NID1: variants seen among roughly 807,000 people sequenced by gnomAD.
The protein encoded by NID1 is nidogen 1.
A neutral mutation model predicts 130.6 loss-of-function variants in NID1; 76 were observed. The ratio of observed to expected loss-of-function variants is 0.58; its 90% CI spans 0.48 to 0.70. The LOEUF (loss-of-function observed/expected upper bound fraction) is 0.70. Ranked by LOEUF, NID1 falls within the 30% of genes least tolerant of loss-of-function variation. The pLI is 0.00. For synonymous variants in NID1, 665 were observed against 675.1 expected (o/e 0.98, Z 0.23); for missense variants, 1,517 against 1,664.8 (o/e 0.91, Z 1.54).
intron 8 of NID1, 112 bp from the exon 9 acceptor site, chr1:236,024,325 G>T: frequency 7.6e-7 from 1 of 1,315,330 alleles, no homozygotes. Context: ...TCACAGAAGA[G>T]CAGAGTGGAA....
At position 235,977,839 on chromosome 1, in the gene NID1, T is replaced by C; in HGVS notation, c.*28A>G. ...CAAGTAGAGTGTTGCTGTGAAATACTTGGAAAGGAAATAAGGCACTCTTGT... is the reference window on the plus strand; with the variant it reads ...CAAGTAGAGTGTTGCTGTGAAATACCTGGAAAGGAAATAAGGCACTCTTGT... On this transcript the variant is annotated 3_prime_UTR_variant, in exon 20 of 20. Coordinates refer to ENST00000264187, the MANE Select transcript of NID1 (RefSeq NM_002508.3). The C allele has an allele frequency of 1.9e-6, 3 of 1,611,914 alleles. No individual in the cohort carries two copies. The highest frequency in any genetic ancestry group is 2.5e-6 in the Non-Finnish European group (3 of 1,178,766).
chr1:236,045,191 A>C (rs1347388484), intron 3 of NID1, among the ~76,000 whole-genome samples: 2 of 129,256 alleles, frequency 1.5e-5, no homozygotes, highest in Admixed American at 8.6e-5. Context: ...TGGGCAACAG[A>C]GTAAGGCTCT....
At chr1:235,982,899 A>C (rs576650347) in intron 15 of NID1, among the ~76,000 whole-genome samples, 9 of 152,178 alleles carry the variant, frequency 5.9e-5, no homozygotes, top group Non-Finnish European at 1.2e-4. Context: ...TTTTTGACAG[A>C]GTCTCATTCT....
intron 5 of NID1, 67 bp downstream of exon 5, chr1:236,038,037 C>T (rs1343515949): frequency 1.8e-5 from 28 of 1,526,456 alleles, no homozygotes; most frequent in Admixed American, 9.3e-5. Flanking sequence ...ACATGGAAAA[C>T]GAGCACCAAA....
chr1:235,978,105 T>C, intron 19 of NID1, 117 bp from the exon 20 acceptor site: 1 of 1,256,792 alleles, frequency 8.0e-7, no homozygotes, highest in Non-Finnish European at 1.1e-6. Context: ...GAAGCCATGC[T>C]AGGAAGGCTT....
chr1:236,031,207 C>G (rs904229394), intron 6 of NID1, among the ~76,000 whole-genome samples: 2 of 152,154 alleles, frequency 1.3e-5, no homozygotes, highest in African/African-American at 2.4e-5. Flanking sequence ...CAACCTCCGC[C>G]TCCTGGGTTC....
intron 3 of NID1, among the ~76,000 whole-genome samples, chr1:236,043,754 T>C (rs1370222174): frequency 1.3e-5 from 2 of 152,002 alleles, no homozygotes; most frequent in Non-Finnish European, 2.9e-5. Context: ...GCCAAGATCG[T>C]GCCACTGCAC....
intron 14 of NID1, among the ~76,000 whole-genome samples, chr1:235,988,965 T>C (rs1657647510): frequency 6.6e-6 from 1 of 152,182 alleles, no homozygotes; most frequent in East Asian, 1.9e-4. Context: ...TAACATTGTT[T>C]ATATTCTTAA....
rs538088318 is a variant in NID1 at position 236,057,174 on chromosome 1, G to A, written c.225+7681C>T. On this transcript the variant is annotated intron_variant, in intron 1 of 19. Transcript: ENST00000264187. ...CTCAGGAGGCTGAGGCAGGAGAATC[G>A]CTTGAACCCGGGAGGTGGAGCCTGC... Among the ~76,000 whole-genome samples, 5 of 151,982 alleles carry A rather than the reference G, an allele frequency of 3.3e-5. No individual in the cohort carries two copies. The South Asian group carries it at 8.3e-4, about 25-fold the overall frequency.
intron 11 of NID1, among the ~76,000 whole-genome samples, chr1:236,012,558 CAAAAAAAA>C (rs56183830): frequency 6.1e-5 from 6 of 98,086 alleles, no homozygotes; most frequent in African/African-American, 2.3e-4. Context: ...AATGCCATCT[CAAAAAAAA>C]AAAAAAAAAA....
At chr1:236,025,871 C>G in intron 8 of NID1, 25 bp downstream of exon 8, 3 of 1,607,978 alleles carry the variant, frequency 1.9e-6, no homozygotes, top group Non-Finnish European at 1.7e-6. Flanking sequence ...AGCACCTGTG[C>G]CCAGCATGAG....
chr1:236,023,931 TA>T, intron 9 of NID1, 138 bp downstream of exon 9: 1 of 1,123,582 alleles, frequency 8.9e-7, no homozygotes, highest in Middle Eastern at 3.1e-4. Flanking sequence ...GAAGCATAAA[TA>T]ATTCAGGCCT....
At chr1:236,036,890 A>T (rs780984511) in intron 5 of NID1, among the ~76,000 whole-genome samples, 12 of 152,122 alleles carry the variant, frequency 7.9e-5, no homozygotes, top group Non-Finnish European at 1.6e-4. Flanking sequence ...TAAGAAATAA[A>T]TTTTTTTTCT....
chr1:235,985,634 T>A (rs944562070), intron 14 of NID1, 129 bp from the exon 15 acceptor site: 1 of 1,096,518 alleles, frequency 9.1e-7, no homozygotes, highest in African/African-American at 1.6e-5. Context: ...CATTTAAAAA[T>A]TTTTATTATT....
chr1:236,021,079 C>T (rs1658744896), intron 9 of NID1, among the ~76,000 whole-genome samples: 1 of 152,202 alleles, frequency 6.6e-6, no homozygotes, highest in Non-Finnish European at 1.5e-5. Flanking sequence ...ATCCAGGAGG[C>T]TTACGAAGTT....
chr1:236,008,142 A>C (rs1658303023), intron 12 of NID1, among the ~76,000 whole-genome samples: 1 of 152,216 alleles, frequency 6.6e-6, no homozygotes, highest in Non-Finnish European at 1.5e-5. Flanking sequence ...TCACTCTGAT[A>C]TTTTCTAGAT....
chr1:236,027,885 T>G (rs1029382384), intron 7 of NID1, among the ~76,000 whole-genome samples: 2 of 151,836 alleles, frequency 1.3e-5, no homozygotes, highest in African/African-American at 4.8e-5. Flanking sequence ...ATTCTTAACC[T>G]GGGGTTTAAT....
rs1659647068 is a variant in NID1 at position 236,047,769 on chromosome 1, GTAAT to G, written c.525+917_525+920del. 4.6e-5 allele frequency among the ~76,000 whole-genome samples: 7 copies of G among 152,256 alleles called. No homozygotes were observed. In the South Asian group the frequency reaches 1.4e-3, roughly 31 times the overall value. The stretch of plus-strand genomic sequence containing the variant: ...CAGCCGGGCTCGGTGGCACACACCT[GTAAT>G]CCCAGCACTTTGGGAGGCTGAGGTG... On this transcript the variant is annotated intron_variant, in intron 2 of 19. Coordinates refer to ENST00000264187, the MANE Select transcript of NID1 (RefSeq NM_002508.3).
intron 2 of NID1, among the ~76,000 whole-genome samples, chr1:236,046,422 G>A (rs1037630851): frequency 2.0e-5 from 3 of 152,076 alleles, no homozygotes; most frequent in South Asian, 2.1e-4. Flanking sequence ...TGCAGGAGCC[G>A]TAAGAGGAAG....
Sources: gnomAD v4.1 joint callset for allele counts (sites outside exome capture counted in the v4.1 genomes callset) on GRCh38, gnomAD v4.1.1 for gene constraint, MANE v1.5 for transcripts, NCBI Gene and HGNC (gene_info 2026-07-23, HGNC 2026-07-21) for gene names.